TECR: variants seen among roughly 807,000 people sequenced by gnomAD.
The protein encoded by TECR is very-long-chain enoyl-CoA reductase.
Under a neutral mutation model 50.6 loss-of-function variants are expected in TECR, and 19 were observed. The ratio of observed to expected loss-of-function variants is 0.38; its 90% CI spans 0.26 to 0.55. The LOEUF (loss-of-function observed/expected upper bound fraction) is 0.55. Among genes scored for constraint, TECR ranks in the 20% least tolerant of loss-of-function variants. The pLI is 0.79. For missense variants in TECR, 313 were observed against 408.3 expected (o/e 0.77, Z 2.01); for synonymous variants, 168 against 163.5 (o/e 1.03, Z -0.21).
Position 14,529,633 on chromosome 19 carries a change from C to A in TECR, c.-64C>A. On this transcript the variant is annotated 5_prime_UTR_variant, in exon 1 of 13. The change creates a new upstream start codon in the 5' untranslated region. Transcript: ENST00000215567. ...TGCGGTTGCGAGCGCTGTAGGGAGC[C>A]TGTGCTGTGCCGCGCAGTTAGGCAG... The A allele has an allele frequency of 3.7e-6, 6 of 1,613,022 alleles. No homozygotes were observed. The highest frequency in any genetic ancestry group is 5.1e-6 in the Non-Finnish European group (6 of 1,179,328).
upstream of TECR, chr19:14,529,456 A>C: frequency 1.6e-6 from 1 of 641,300 alleles, no homozygotes; most frequent in East Asian, 2.7e-5. Context: ...TCGCAAGTTG[A>C]TTGGTCAATC....
In TECR at chr19:14,548,500, G is replaced by A. The variant is rs79084973; in HGVS notation, c.16-14025G>A. Among the ~76,000 whole-genome samples, 461 of 152,288 alleles carry A rather than the reference G, an allele frequency of 3.0e-3. 21 individuals carry two copies. In the East Asian group the frequency reaches 0.069, roughly 23 times the overall value. ...ACTGCCGTTACCAGGCCTAAGCCAG[G>A]GGTTGGCAAACTTAATCCAGCTAGC... On this transcript the variant is annotated intron_variant, in intron 1 of 12. Transcript: ENST00000215567.
intron 1 of TECR, among the ~76,000 whole-genome samples, chr19:14,549,471 T>C (rs2073420457): frequency 6.6e-6 from 1 of 151,978 alleles, no homozygotes; most frequent in Non-Finnish European, 1.5e-5. Context: ...CTGCCCTCCT[T>C]GGCCCCCTAA....
intron 1 of TECR, among the ~76,000 whole-genome samples, chr19:14,533,372 A>G (rs1253832022): frequency 1.3e-5 from 2 of 151,978 alleles, no homozygotes; most frequent in East Asian, 3.9e-4. Flanking sequence ...GTGAGCTGAG[A>G]TCGCACCACT....
In TECR at chr19:14,564,206, C is replaced by G. The variant is rs762045530; in HGVS notation, c.408C>G (p.Phe136Leu). 6.2e-7 allele frequency: 1 copy of G among 1,608,248 alleles called. No individual in the cohort carries two copies. Among genetic ancestry groups the G allele is most frequent in the Non-Finnish European group, 8.5e-7 (1 of 1,179,844 alleles). The change falls in exon 7 of 13, where the codon TTC becomes TTG. Residue 136 changes from phenylalanine to leucine, a missense_variant. Transcript: ENST00000215567. ...GCCTCGCCTGCATCTGTCACTCATT[C>G]CACTACATCAAGCGCCTGCTGGAGA... ...VVHLACICHS[F>L]HYIKRLLETL...
Position 14,565,837 on chromosome 19 carries a change from C to T in TECR, c.893C>T (p.Pro298Leu), listed in dbSNP as rs371148869. ...SYLKEFRDYP[P>L]LRMPIIPFLL is the part of the protein sequence containing the mutation. ...CTGAAGGAGTTCCGGGACTACCCGC[C>T]CCTGCGCATGCCCATCATCCCCTTC... Residue 298 changes from proline (P) to leucine (L), a missense_variant, in exon 13 of 13, where the codon CCC (proline) becomes CTC (leucine). Pro to Leu is a moderately conservative substitution (Grantham distance 98, BLOSUM62 -3). Coordinates refer to ENST00000215567, the MANE Select transcript of TECR (RefSeq NM_138501.6). 4 of 1,597,984 alleles carry T rather than the reference C, an allele frequency of 2.5e-6. No individual in the cohort carries two copies. Among genetic ancestry groups the T allele is most frequent in the South Asian group, 2.2e-5 (2 of 89,440 alleles).
intron 1 of TECR, among the ~76,000 whole-genome samples, chr19:14,536,334 A>G (rs1452402865): frequency 2.0e-5 from 3 of 147,464 alleles, no homozygotes; most frequent in Non-Finnish European, 4.4e-5. Flanking sequence ...CAGTGGTGCC[A>G]TCTAGGCTCA....
intron 1 of TECR, among the ~76,000 whole-genome samples, chr19:14,533,290 C>T (rs773611718): frequency 6.6e-6 from 1 of 151,704 alleles, no homozygotes; most frequent in African/African-American, 2.4e-5. Flanking sequence ...TGTGGTGGCG[C>T]ACGCCTGAAA....
rs533380690 is a variant in TECR, at chr19:14,537,744, GTTT to G, written c.15+8050_15+8052del. Among the ~76,000 whole-genome samples the G allele has an allele frequency of 5.1e-3, 641 of 126,212 alleles. 2 individuals are homozygous for G. Among genetic ancestry groups the G allele is most frequent in the African/African-American group, 0.013 (453 of 34,128 alleles). The allele number at this position is 126,212 out of a possible 152,430, so 82.8% of individuals were successfully genotyped here. ...GTGAATATAGTGCTTAATTATCAGT[GTTT>G]TTTTTTTTTTTTTTTTGAGACGAAG... is the stretch of plus-strand genomic sequence containing the variant. On this transcript the variant is annotated intron_variant, in intron 1 of 12. Transcript: ENST00000215567.
At chr19:14,554,816 G>C (rs1050478153) in intron 1 of TECR, among the ~76,000 whole-genome samples, 10 of 151,592 alleles carry the variant, frequency 6.6e-5, no homozygotes, top group African/African-American at 2.4e-4. Flanking sequence ...GTTTCACTCT[G>C]TCACCAGGTT....
At chr19:14,552,307 T>A (rs2073556189) in intron 1 of TECR, among the ~76,000 whole-genome samples, 1 of 151,376 alleles carries the variant, frequency 6.6e-6, no homozygotes, top group African/African-American at 2.4e-5. Context: ...CTGCTGGGAT[T>A]ATAGGCGTGA....
rs2073651037 is a variant in TECR, at chr19:14,554,534, T to G, written c.16-7991T>G. On this transcript the variant is annotated intron_variant, in intron 1 of 12. Transcript: ENST00000215567. ...AGGACTGGGAAGCACCAGTCTTGGC[T>G]TGTTTGTGAAGCTGGGGAAGCCGAA... 2.0e-5 allele frequency among the ~76,000 whole-genome samples: 3 copies of G among 152,178 alleles called. No individual in the cohort carries two copies. In the South Asian group the frequency reaches 6.3e-4, roughly 32 times the overall value.
chr19:14,557,139 T>G (rs1298839470), intron 1 of TECR, among the ~76,000 whole-genome samples: 3 of 150,058 alleles, frequency 2.0e-5, no homozygotes, highest in African/African-American at 4.9e-5. Flanking sequence ...ATTTATTTAT[T>G]TATTTATTTA....
chr19:14,554,468 C>T (rs1599473925), intron 1 of TECR, among the ~76,000 whole-genome samples: 1 of 151,650 alleles, frequency 6.6e-6, no homozygotes, highest in Non-Finnish European at 1.5e-5. Context: ...TGGACTCTGC[C>T]GCCAGCAAGG....
chr19:14,564,670 C>G (rs1263679477), intron 7 of TECR, 116 bp from the exon 8 acceptor site: 2 of 1,170,816 alleles, frequency 1.7e-6, no homozygotes, highest in Non-Finnish European at 2.5e-6. Flanking sequence ...AGCCCCGCCC[C>G]AAGGCCCCTC....
At chr19:14,550,896 T>C (rs2073476573) in intron 1 of TECR, among the ~76,000 whole-genome samples, 1 of 151,888 alleles carries the variant, frequency 6.6e-6, no homozygotes, top group Non-Finnish European at 1.5e-5. Flanking sequence ...GGTGTCGAAC[T>C]CCTGACCTCA....
chr19:14,564,389 C>T, intron 7 of TECR, 102 bp downstream of exon 7: 4 of 979,302 alleles, frequency 4.1e-6, no homozygotes, highest in Non-Finnish European at 6.1e-6. Flanking sequence ...TCTGCCACTA[C>T]GCCCCAGCAG....
chr19:14,553,596 T>C (rs1204240677), intron 1 of TECR, among the ~76,000 whole-genome samples: 2 of 152,122 alleles, frequency 1.3e-5, no homozygotes, highest in Non-Finnish European at 2.9e-5. Flanking sequence ...ATCCTGGCAT[T>C]AGCAGGTTGA....
chr19:14,535,543 A>AATATATATATATAT (rs747348455), intron 1 of TECR, among the ~76,000 whole-genome samples: 2 of 32,708 alleles, frequency 6.1e-5, no homozygotes, highest in Non-Finnish European at 9.3e-5. Flanking sequence ...AAAAAAAAAA[A>AATATATATATATAT]ATATATATAT....
Sources: allele counts gnomAD v4.1 joint callset (sites outside exome capture counted in the v4.1 genomes callset), GRCh38; gene constraint gnomAD v4.1.1; transcripts MANE v1.5; gene names NCBI Gene and HGNC (gene_info 2026-07-23, HGNC 2026-07-21).